VWA3A: variants seen among roughly 807,000 people sequenced by gnomAD.
The protein encoded by VWA3A is von Willebrand factor A domain-containing protein 3A.
In VWA3A, 134 loss-of-function variants were observed where a neutral mutation model predicts 160.4. The observed-to-expected ratio is 0.84, with a 90% CI of 0.73 to 0.96. The LOEUF (loss-of-function observed/expected upper bound fraction) is 0.96. VWA3A is among the 40% of genes least tolerant of loss of function. The pLI is 0.00. For missense variants in VWA3A, 1,310 were observed against 1,447.9 expected (o/e 0.90, Z 1.55); for synonymous variants, 476 against 543.4 (o/e 0.88, Z 1.72).
At chr16:22,115,923 A>G (rs1416665176) in intron 9 of VWA3A, among the ~76,000 whole-genome samples, 4 of 19,560 alleles carry the variant, frequency 2.0e-4, no homozygotes, top group East Asian at 0.013. Flanking sequence ...GGAAGGAAGG[A>G]AAGGAAAGGA....
At chr16:22,099,115 A>G (rs2045369224) in intron 3 of VWA3A, among the ~76,000 whole-genome samples, 1 of 151,510 alleles carries the variant, frequency 6.6e-6, no homozygotes, top group South Asian at 2.1e-4. Flanking sequence ...AAAAAAAAGT[A>G]CCATGCTCGG....
At chr16:22,147,517 G>A in intron 27 of VWA3A, 1 of 700,694 alleles carries the variant, frequency 1.4e-6, no homozygotes, top group Non-Finnish European at 2.6e-6. Context: ...CCTATATAGA[G>A]ATCCTACAGG....
At chr16:22,126,322 G>A (rs1286327138) in intron 17 of VWA3A, 25 bp downstream of exon 17, 1 of 1,606,064 alleles carries the variant, frequency 6.2e-7, no homozygotes, top group Non-Finnish European at 8.5e-7. Flanking sequence ...GCTCCTGGGG[G>A]CAAGGGTGGG....
chr16:22,116,303 GAA>G (rs532724618), intron 9 of VWA3A: 164 of 362,866 alleles, frequency 4.5e-4, no homozygotes, highest in Non-Finnish European at 6.8e-4. Flanking sequence ...AAGGAAGAGA[GAA>G]AAAAGAGAAA....
chr16:22,119,944 G>A (rs1488465500), intron 12 of VWA3A, among the ~76,000 whole-genome samples: 2 of 151,792 alleles, frequency 1.3e-5, no homozygotes, highest in Non-Finnish European at 2.9e-5. Flanking sequence ...CTTGAACCCA[G>A]GAGGCAGAGG....
intron 17 of VWA3A, among the ~76,000 whole-genome samples, chr16:22,127,085 T>G (rs1275478461): frequency 1.3e-5 from 2 of 150,292 alleles, no homozygotes; most frequent in Non-Finnish European, 3.0e-5. Flanking sequence ...ATAGTACATA[T>G]CTAGCATTTT....
chr16:22,138,638 G>C, intron 22 of VWA3A, 126 bp downstream of exon 22: 1 of 1,304,188 alleles, frequency 7.7e-7, no homozygotes, highest in South Asian at 1.5e-5. Context: ...TGAGTGTCCT[G>C]TGGGTGCCTC....
intron 6 of VWA3A, among the ~76,000 whole-genome samples, chr16:22,105,297 C>T (rs368257210): frequency 2.0e-4 from 31 of 152,288 alleles, no homozygotes; most frequent in East Asian, 5.8e-4. Context: ...CCCTTTCTGA[C>T]GGAGCTACAG....
chr16:22,119,546 CTG>C (rs2045700014), intron 12 of VWA3A, among the ~76,000 whole-genome samples: 1 of 152,172 alleles, frequency 6.6e-6, no homozygotes, highest in South Asian at 2.1e-4. Context: ...TGGCATGTGC[CTG>C]TAGTTCCAGC....
At chr16:22,119,078 T>G in intron 12 of VWA3A, 51 bp downstream of exon 12, 1 of 1,544,986 alleles carries the variant, frequency 6.5e-7, no homozygotes, top group South Asian at 1.2e-5. Flanking sequence ...AGCACTCAGC[T>G]GGCCTCGTTC....
chr16:22,138,588 T>C (rs35429978), intron 22 of VWA3A, 76 bp downstream of exon 22: 163,362 of 1,577,566 alleles, frequency 0.1, 9,325 homozygotes, highest in Middle Eastern at 0.19. Context: ...GGTCTTAAAA[T>C]GGCTGGGGCC....
intron 6 of VWA3A, 37 bp from the exon 7 acceptor site, chr16:22,109,445 T>C: frequency 1.3e-6 from 2 of 1,525,148 alleles, no homozygotes; most frequent in Non-Finnish European, 1.8e-6. Flanking sequence ...CACACAGACT[T>C]GCACTGGCTG....
In VWA3A at chr16:22,126,203, G is replaced by C. The variant is rs748630370; in HGVS notation, c.1558G>C (p.Ala520Pro). Residue 520 changes from alanine to proline, a missense_variant, in exon 17 of 34, where the codon GCG becomes CCG. By Grantham distance (27) the Ala-to-Pro change is conservative. Transcript: ENST00000389398. ...GGTGGTTGTACTGCTCGATATCTCT[G>C]CGACCAATTCCATGTACATTATTCA... Reference protein sequence around the residue: ...KRVVVLLDISATNSMYIIHIQ... With the variant: ...KRVVVLLDISPTNSMYIIHIQ... The C allele has an allele frequency of 1.8e-5, 29 of 1,613,790 alleles. No homozygotes were observed. Among genetic ancestry groups the C allele is most frequent in the Non-Finnish European group, 2.2e-5 (26 of 1,179,876 alleles).
chr16:22,150,179 A>G (rs1386392425), intron 29 of VWA3A, among the ~76,000 whole-genome samples: 1 of 152,156 alleles, frequency 6.6e-6, no homozygotes, highest in Non-Finnish European at 1.5e-5. Context: ...AGGCAGGTGG[A>G]TCACCTGAGG....
chr16:22,149,027 C>T (rs1189411016), intron 28 of VWA3A, among the ~76,000 whole-genome samples: 5 of 152,192 alleles, frequency 3.3e-5, no homozygotes, highest in African/African-American at 1.2e-4. Context: ...AGGCCTCGTT[C>T]TTGCCTTAAT....
Position 22,131,210 on chromosome 16 carries a change from GA to G in VWA3A, c.1660del (p.Ser554AlafsTer13). On this transcript the variant is annotated frameshift_variant, in exon 18 of 34. Coordinates refer to ENST00000389398, the MANE Select transcript of VWA3A (RefSeq NM_173615.5). LOFTEE classifies it high-confidence loss of function. ...NKDCFNLIAF[G>X]STIESWRPEM... ...ACTCTCTTTGCTTCTTAAAGGTTTG[GA>G]AGCACAATTGAAAGCTGGAGGCCTG... is the stretch of plus-strand genomic sequence containing the variant. 6.2e-7 allele frequency: 1 copy of G among 1,613,872 alleles called. No homozygotes were observed. The highest frequency in any genetic ancestry group is 8.5e-7 in the Non-Finnish European group (1 of 1,179,862).
intron 6 of VWA3A, 35 bp from the exon 7 acceptor site, chr16:22,109,447 C>T: frequency 6.5e-7 from 1 of 1,527,420 alleles, no homozygotes; most frequent in African/African-American, 1.4e-5. Context: ...CACAGACTTG[C>T]ACTGGCTGTT....
At chr16:22,151,853 G>A (rs1015464349) in intron 30 of VWA3A, among the ~76,000 whole-genome samples, 13 of 152,152 alleles carry the variant, frequency 8.5e-5, no homozygotes, top group Non-Finnish European at 1.3e-4. Context: ...CCCCATAAGT[G>A]TAATATGTGT....
intron 6 of VWA3A, among the ~76,000 whole-genome samples, chr16:22,108,908 C>T (rs1267487267): frequency 4.6e-5 from 7 of 152,072 alleles, no homozygotes; most frequent in South Asian, 2.1e-4. Flanking sequence ...AGAGTAATAC[C>T]GTTTAGAAAC....
Sources: allele counts gnomAD v4.1 joint callset (sites outside exome capture counted in the v4.1 genomes callset), GRCh38; gene constraint gnomAD v4.1.1; transcripts MANE v1.5; gene names NCBI Gene and HGNC (gene_info 2026-07-23, HGNC 2026-07-21).